JAK1: variants seen among roughly 807,000 people sequenced by gnomAD.
JAK1 encodes the protein Janus kinase 1.
Under a neutral mutation model 136.6 loss-of-function variants are expected in JAK1, and 16 were observed. The observed-to-expected ratio is 0.12, with a 90% CI of 0.08 to 0.18. The LOEUF is 0.18. Ranked by LOEUF, JAK1 falls within the 10% of genes least tolerant of loss-of-function variation. JAK1 has a pLI of 1.00. For missense variants in JAK1, 859 were observed against 1,450.1 expected (o/e 0.59, Z 6.62); for synonymous variants, 492 against 519.5 (o/e 0.95, Z 0.72).
chr1:64,961,440 C>A (rs1318243425), intron 1 of JAK1, among the ~76,000 whole-genome samples: 1 of 152,294 alleles, frequency 6.6e-6, no homozygotes, highest in East Asian at 1.9e-4. Context: ...AGCTTGGAAA[C>A]TTCAAATGGC....
intron 1 of JAK1, among the ~76,000 whole-genome samples, chr1:64,962,825 T>C (rs1646306775): frequency 1.3e-5 from 2 of 152,102 alleles, no homozygotes; most frequent in South Asian, 2.1e-4. Context: ...CCCAGCACTG[T>C]GGGAGGCCAA....
intron 1 of JAK1, among the ~76,000 whole-genome samples, chr1:64,907,515 C>A (rs1645210280): frequency 6.6e-6 from 1 of 152,088 alleles, no homozygotes; most frequent in South Asian, 2.1e-4. Context: ...CAGCGGGGAA[C>A]ATCACACACT....
intron 1 of JAK1, among the ~76,000 whole-genome samples, chr1:65,056,716 G>C (rs1001420270): frequency 6.6e-6 from 1 of 152,062 alleles, no homozygotes; most frequent in African/African-American, 2.4e-5. Flanking sequence ...CTTGAGGACA[G>C]GAGTTTGAAA....
intron 1 of JAK1, among the ~76,000 whole-genome samples, chr1:64,933,766 A>G (rs930812035): frequency 6.6e-6 from 1 of 152,232 alleles, no homozygotes; most frequent in Non-Finnish European, 1.5e-5. Flanking sequence ...TGGCACCACA[A>G]AATGCAATCT....
rs552485088 is a variant in JAK1 at position 65,040,107 on chromosome 1, C to T, written c.-78+4373G>A. ...GTGGGCACCTATAATCCCAGCTACT[C>T]GGGAGGCTGAGGCAGGAGAATCCCT... On this transcript the variant is annotated intron_variant, in intron 2 of 25. Transcript: ENST00000671954. Among the ~76,000 whole-genome samples the T allele has an allele frequency of 4.6e-5, 7 of 151,658 alleles. No homozygotes were observed. In the South Asian group the frequency reaches 1.2e-3, roughly 27 times the overall value.
intron 1 of JAK1, among the ~76,000 whole-genome samples, chr1:64,905,791 A>T (rs936460699): frequency 6.6e-6 from 1 of 152,166 alleles, no homozygotes; most frequent in South Asian, 2.1e-4. Context: ...GTTTATGTGT[A>T]CCTATCTCAC....
At chr1:64,877,059 C>G (rs905659730) in intron 4 of JAK1, among the ~76,000 whole-genome samples, 4 of 152,024 alleles carry the variant, frequency 2.6e-5, no homozygotes, top group Admixed American at 2.6e-4. Flanking sequence ...TATATAAGAG[C>G]TTGGTGTTCT....
chr1:65,051,483 G>C (rs1295773453), intron 1 of JAK1, among the ~76,000 whole-genome samples: 1 of 152,054 alleles, frequency 6.6e-6, no homozygotes, highest in African/African-American at 2.4e-5. Flanking sequence ...CACCCGGGTT[G>C]ATCACAGGTA....
At chr1:65,058,270 A>C (rs1367265237) in intron 1 of JAK1, among the ~76,000 whole-genome samples, 1 of 152,206 alleles carries the variant, frequency 6.6e-6, no homozygotes, top group East Asian at 1.9e-4. Context: ...ATGTTACAAA[A>C]CAAGGCAAAG....
rs747133921 is a variant in JAK1, at chr1:64,963,930, A to G, written c.-78+2403T>C. 2.6e-5 allele frequency among the ~76,000 whole-genome samples: 4 copies of G among 152,100 alleles called. No homozygotes were observed. The East Asian group carries it at 7.7e-4, about 29-fold the overall frequency. ...TAACCACTAGATGCCTACCAGTAGC[A>G]CCGCTCCCTTCCCCCAAGTTGTAAC... On this transcript the variant is annotated intron_variant, in intron 1 of 24. Transcript: ENST00000342505.
intron 1 of JAK1, among the ~76,000 whole-genome samples, chr1:64,889,417 T>C (rs1456748121): frequency 6.6e-6 from 1 of 152,208 alleles, no homozygotes; most frequent in African/African-American, 2.4e-5. Context: ...AATTTATTTA[T>C]AAAATTGTCA....
intron 1 of JAK1, among the ~76,000 whole-genome samples, chr1:64,920,105 T>C (rs969024810): frequency 1.3e-5 from 2 of 152,230 alleles, no homozygotes; most frequent in African/African-American, 2.4e-5. Context: ...ATCACTATGA[T>C]CATTTCTGGT....
intron 2 of JAK1, among the ~76,000 whole-genome samples, chr1:65,016,881 G>A (rs914810333): frequency 1.3e-5 from 2 of 152,148 alleles, no homozygotes; most frequent in African/African-American, 4.8e-5. Context: ...CTGGGCAACA[G>A]AGCAAGACTC....
chr1:65,048,806 T>A (rs747091143), intron 1 of JAK1, among the ~76,000 whole-genome samples: 7 of 151,630 alleles, frequency 4.6e-5, no homozygotes, highest in Non-Finnish European at 8.8e-5. Context: ...TTGAGAGTCT[T>A]GGGAAATGGG....
chr1:64,833,903 A>C lies in JAK1; in HGVS notation c.*659T>G, dbSNP rs1654301574. ...GCAGCAAATTATCTATTCCACAGCT[A>C]TCCCCCCATGTAGAACCAGCTTTCT... On this transcript the variant is annotated 3_prime_UTR_variant, in exon 25 of 25. Transcript: ENST00000342505. 4.3e-6 allele frequency: 1 copy of C among 232,764 alleles called. No homozygotes were observed. Among genetic ancestry groups the C allele is most frequent in the Non-Finnish European group, 8.5e-6 (1 of 117,780 alleles). 14.4% of individuals were successfully genotyped at this position (232,764 alleles called of 1,614,324 possible).
intron 5 of JAK1, 106 bp from the exon 6 acceptor site, chr1:64,869,580 C>T (rs931105076): frequency 8.7e-5 from 73 of 838,138 alleles, no homozygotes; most frequent in Admixed American, 2.3e-4. Flanking sequence ...AGCAACGAGA[C>T]GAATCAGATT....
chr1:64,983,414 ATCT>A (rs1432362672), intron 2 of JAK1, among the ~76,000 whole-genome samples: 3 of 152,190 alleles, frequency 2.0e-5, no homozygotes, highest in East Asian at 1.9e-4. Flanking sequence ...TCAGAAAAAA[ATCT>A]TCTCCCAGAG....
chr1:64,981,329 G>C (rs529944070), intron 2 of JAK1, among the ~76,000 whole-genome samples: 1 of 152,310 alleles, frequency 6.6e-6, no homozygotes, highest in African/African-American at 2.4e-5. Context: ...TTCTATTGCT[G>C]TTTGTCTTTC....
At chr1:64,985,329 G>T in intron 2 of JAK1, 1 of 1,611,122 alleles carries the variant, frequency 6.2e-7, no homozygotes, top group Non-Finnish European at 8.5e-7. Flanking sequence ...CTCCAGCACA[G>T]TGACTTGCTT....
Sources: allele counts gnomAD v4.1 joint callset (sites outside exome capture counted in the v4.1 genomes callset), GRCh38; gene constraint gnomAD v4.1.1; transcripts MANE v1.5; gene names NCBI Gene and HGNC (gene_info 2026-07-23, HGNC 2026-07-21).